PTK2: variants seen among roughly 807,000 people sequenced by gnomAD.
PTK2 encodes the protein focal adhesion kinase 1.
In PTK2, 45 loss-of-function variants were observed where a neutral mutation model predicts 150.1. The ratio of observed to expected loss-of-function variants is 0.30; its 90% CI spans 0.24 to 0.38. The LOEUF (loss-of-function observed/expected upper bound fraction) is 0.38. Ranked by LOEUF, PTK2 falls within the 10% of genes least tolerant of loss-of-function variation. The pLI is 1.00. For missense variants in PTK2, 919 were observed against 1,307.3 expected (o/e 0.70, Z 4.58); for synonymous variants, 432 against 449.2 (o/e 0.96, Z 0.48).
In PTK2 at chr8:140,871,008, G is replaced by C. The variant is rs183161425; in HGVS notation, c.363-6609C>G. ...GGCTCCTATCATTTAGTGGGTAGAA[G>C]CCATACAACATATACAAAAGCTCCC... On this transcript the variant is annotated intron_variant, in intron 4 of 31. Transcript: ENST00000522684. 2.0e-4 allele frequency among the ~76,000 whole-genome samples: 30 copies of C among 152,130 alleles called. No homozygotes were observed. The East Asian group carries it at 5.8e-3, about 29-fold the overall frequency.
intron 2 of PTK2, among the ~76,000 whole-genome samples, chr8:140,924,555 C>G (rs968640855): frequency 1.3e-5 from 2 of 152,114 alleles, no homozygotes; most frequent in East Asian, 3.9e-4. Flanking sequence ...GTTTTCTTTT[C>G]AAGGCTATGG....
intron 8 of PTK2, 90 bp downstream of exon 8, chr8:140,830,382 C>A (rs2100114672): frequency 1.3e-6 from 1 of 782,472 alleles, no homozygotes; most frequent in African/African-American, 1.8e-5. Context: ...AAGGAAACTA[C>A]ATTTTACTTT....
intron 5 of PTK2, among the ~76,000 whole-genome samples, chr8:140,852,787 G>T (rs1203123012): frequency 6.6e-6 from 1 of 152,218 alleles, no homozygotes; most frequent in Non-Finnish European, 1.5e-5. Context: ...TTCCAGGAAA[G>T]AAAAGGCAAG....
chr8:140,671,793 C>G lies in PTK2; in HGVS notation c.2709+2505G>C, dbSNP rs371549951. 7.4e-5 allele frequency among the ~76,000 whole-genome samples: 11 copies of G among 149,312 alleles called. No individual in the cohort carries two copies. The East Asian group carries it at 1.6e-3, about 22-fold the overall frequency. ...AAAAAAAAAAAAAAATTAGATGGGC[C>G]TGGTGGCGGGTGCCTGTAGTCCCAG... On this transcript the variant is annotated intron_variant, in intron 29 of 31. Transcript: ENST00000522684.
In PTK2 at chr8:140,976,065, A is replaced by G. The variant is rs138689337; in HGVS notation, c.-122+25060T>C. 8.5e-4 allele frequency among the ~76,000 whole-genome samples: 129 copies of G among 152,340 alleles called. 1 individual carries two copies. Among genetic ancestry groups the G allele is most frequent in the African/African-American group, 2.7e-3 (113 of 41,568 alleles). Reference sequence around the variant, plus strand: ...ACCACTCTACACAGTAACTGCACATATAACCTCAAAGGCTAAGACCATAAA... The same window carrying G: ...ACCACTCTACACAGTAACTGCACATGTAACCTCAAAGGCTAAGACCATAAA... On this transcript the variant is annotated intron_variant, in intron 1 of 31. Transcript: ENST00000522684.
In PTK2 at chr8:140,932,443, T is replaced by G. The variant is rs150587483; in HGVS notation, c.-121-6694A>C. ...CTTGGCCAGGCCAGTCTCGAACTCC[T>G]GACCTCCAGTGATCCACCCGCATCA... is the stretch of plus-strand genomic sequence containing the variant. On this transcript the variant is annotated intron_variant, in intron 1 of 31. Transcript: ENST00000522684. Among the ~76,000 whole-genome samples the G allele has an allele frequency of 6.7e-3, 1,016 of 152,234 alleles. 8 individuals are homozygous for G. The highest frequency in any genetic ancestry group is 0.065 in the Middle Eastern group (19 of 294).
At chr8:140,683,677 T>G (rs1347782548) in intron 27 of PTK2, among the ~76,000 whole-genome samples, 1 of 151,632 alleles carries the variant, frequency 6.6e-6, no homozygotes, top group African/African-American at 2.4e-5. Context: ...GCTTCACCCC[T>G]GGGATGCAAG....
At chr8:140,823,667 A>G (rs1203751182) in intron 8 of PTK2, among the ~76,000 whole-genome samples, 1 of 151,768 alleles carries the variant, frequency 6.6e-6, no homozygotes, top group Non-Finnish European at 1.5e-5. Context: ...TCTTTCCTAT[A>G]CCCCTTCCCT....
At chr8:140,763,675 C>T (rs1204390254) in intron 15 of PTK2, among the ~76,000 whole-genome samples, 1 of 152,008 alleles carries the variant, frequency 6.6e-6, no homozygotes, top group African/African-American at 2.4e-5. Context: ...TATGAAGGTC[C>T]TTTAAGAGTT....
At chr8:140,734,745 AG>A (rs2100051586) in intron 22 of PTK2, 2 of 518,378 alleles carry the variant, frequency 3.9e-6, no homozygotes, top group Non-Finnish European at 7.7e-6. Flanking sequence ...AGGGTTGATT[AG>A]GAAGCCTTCC....
At chr8:140,807,766 A>T (rs986397345) in intron 10 of PTK2, among the ~76,000 whole-genome samples, 1 of 152,238 alleles carries the variant, frequency 6.6e-6, no homozygotes, top group African/African-American at 2.4e-5. Flanking sequence ...ATTAAAATTA[A>T]TTGCACCTAT....
intron 7 of PTK2, among the ~76,000 whole-genome samples, chr8:140,839,886 A>G (rs1373471142): frequency 6.6e-6 from 1 of 152,236 alleles, no homozygotes; most frequent in Non-Finnish European, 1.5e-5. Flanking sequence ...CATGAATAAA[A>G]CTAGAAAAGA....
At chr8:140,867,569 TGAG>T in intron 4 of PTK2, among the ~76,000 whole-genome samples, 1 of 152,210 alleles carries the variant, frequency 6.6e-6, no homozygotes. Flanking sequence ...AGCTAAACAA[TGAG>T]AACACATCCA....
intron 14 of PTK2, among the ~76,000 whole-genome samples, chr8:140,774,283 G>A (rs2100077171): frequency 6.6e-6 from 1 of 152,230 alleles, no homozygotes; most frequent in Admixed American, 6.5e-5. Flanking sequence ...AGCAAAAGCT[G>A]CAGTTTTGGA....
At chr8:140,918,187 A>T (rs1423925581) in intron 2 of PTK2, among the ~76,000 whole-genome samples, 1 of 152,170 alleles carries the variant, frequency 6.6e-6, no homozygotes, top group Non-Finnish European at 1.5e-5. Context: ...TAAACGCCTG[A>T]GAGGAAGAGT....
intron 31 of PTK2, chr8:140,660,515 A>G (rs565077471): frequency 7.0e-6 from 3 of 430,474 alleles, no homozygotes; most frequent in East Asian, 7.2e-5. Flanking sequence ...CTTGAGCTCA[A>G]AAGTTTGAGG....
intron 2 of PTK2, 148 bp from the exon 3 acceptor site, chr8:140,890,917 T>TTTTA: frequency 1.5e-6 from 1 of 650,362 alleles, no homozygotes; most frequent in Non-Finnish European, 2.6e-6. Context: ...CCTAATCCAC[T>TTTTA]AAAATAATAG....
At chr8:140,760,320 CAACCCAAAT>C (rs1203353866) in intron 16 of PTK2, among the ~76,000 whole-genome samples, 1 of 152,040 alleles carries the variant, frequency 6.6e-6, no homozygotes, top group Non-Finnish European at 1.5e-5. Context: ...AAAGTGGAAA[CAACCCAAAT>C]ATTCATCAAC....
At chr8:140,910,555 A>G (rs998150749) in intron 2 of PTK2, among the ~76,000 whole-genome samples, 1 of 151,776 alleles carries the variant, frequency 6.6e-6, no homozygotes, top group South Asian at 2.1e-4. Context: ...CTTGAAAGTG[A>G]CTGCTATAGA....
Sources: gnomAD v4.1 joint callset for allele counts (sites outside exome capture counted in the v4.1 genomes callset) on GRCh38, gnomAD v4.1.1 for gene constraint, MANE v1.5 for transcripts, NCBI Gene and HGNC (gene_info 2026-07-23, HGNC 2026-07-21) for gene names.